AFG2A: variants seen among roughly 807,000 people sequenced by gnomAD.
The protein encoded by AFG2A is ATPase family gene 2 protein homolog A.
At chr4:123,173,340 G>GTTTTTTTTTTTTTTT in the AFG2A span, among the ~76,000 whole-genome samples, 37 of 70,302 alleles carry the variant, frequency 5.3e-4, 3 homozygotes, top group Admixed American at 1.0e-3. Flanking sequence ...AAGTCCAATG[G>GTTTTTTTTTTTTTTT]TTTTTTTTTT....
the AFG2A span, among the ~76,000 whole-genome samples, chr4:123,015,470 A>G: frequency 1.8e-4 from 28 of 152,188 alleles, no homozygotes; most frequent in Non-Finnish European, 3.7e-4. Flanking sequence ...GAGTGGACAC[A>G]GCACATGTTT....
chr4:123,016,599 G>A, the AFG2A span, among the ~76,000 whole-genome samples: 1 of 151,476 alleles, frequency 6.6e-6, no homozygotes, highest in African/African-American at 2.4e-5. Context: ...CTTCCTAGAT[G>A]GGATGGCGGC....
the AFG2A span, among the ~76,000 whole-genome samples, chr4:122,946,242 T>G: frequency 6.6e-6 from 1 of 152,294 alleles, no homozygotes; most frequent in African/African-American, 2.4e-5. Flanking sequence ...ATTACAAGGG[T>G]TCTTGGTAGG....
chr4:123,010,376 T>G, the AFG2A span, among the ~76,000 whole-genome samples: 2 of 142,954 alleles, frequency 1.4e-5, no homozygotes, highest in South Asian at 4.8e-4. Flanking sequence ...GTCCTTAATT[T>G]AAGTATTAGT....
the AFG2A span, among the ~76,000 whole-genome samples, chr4:123,255,156 C>T: frequency 1.3e-4 from 20 of 151,966 alleles, no homozygotes; most frequent in African/African-American, 2.2e-4. Flanking sequence ...GTAGAGATGT[C>T]GTTTTGTCAT....
chr4:122,946,277 T>C, the AFG2A span, among the ~76,000 whole-genome samples: 1 of 152,228 alleles, frequency 6.6e-6, no homozygotes, highest in Non-Finnish European at 1.5e-5. Context: ...AAAGGCTTAG[T>C]GTTGGAGAAT....
the AFG2A span, chr4:123,317,224 C>CA: frequency 0.72 from 75,300 of 104,606 alleles, 26,891 homozygotes; most frequent in Non-Finnish European, 0.79. Flanking sequence ...GACTCCGTCT[C>CA]AAAAAAAAAA....
At chr4:123,045,830 T>C in the AFG2A span, among the ~76,000 whole-genome samples, 1 of 152,114 alleles carries the variant, frequency 6.6e-6, no homozygotes, top group Non-Finnish European at 1.5e-5. Context: ...GCGAGGTGGT[T>C]CATGCCTGTA....
chr4:123,132,284 G>A, the AFG2A span, among the ~76,000 whole-genome samples: 3 of 151,878 alleles, frequency 2.0e-5, no homozygotes, highest in African/African-American at 4.8e-5. Flanking sequence ...GACTAATATC[G>A]CACTTTTCCC....
At chr4:123,260,576 G>A in the AFG2A span, among the ~76,000 whole-genome samples, 1 of 152,282 alleles carries the variant, frequency 6.6e-6, no homozygotes, top group South Asian at 2.1e-4. Context: ...AAAACAGAAG[G>A]AGCAATTATA....
At chr4:122,928,985 G>T in the AFG2A span, 1 of 1,569,886 alleles carries the variant, frequency 6.4e-7, no homozygotes, top group Non-Finnish European at 8.6e-7. Flanking sequence ...CTTATAAATT[G>T]ATGGTATTCT....
chr4:123,188,620 C>T, the AFG2A span, among the ~76,000 whole-genome samples: 1 of 152,120 alleles, frequency 6.6e-6, no homozygotes, highest in Non-Finnish European at 1.5e-5. Flanking sequence ...AATATTTCCC[C>T]CGTAGCTTTT....
the AFG2A span, among the ~76,000 whole-genome samples, chr4:122,975,271 A>G: frequency 6.6e-6 from 1 of 152,120 alleles, no homozygotes; most frequent in Non-Finnish European, 1.5e-5. Flanking sequence ...CTCACATAGC[A>G]GAAGGGTAAG....
the AFG2A span, among the ~76,000 whole-genome samples, chr4:123,015,822 A>T: frequency 6.8e-5 from 3 of 44,000 alleles, no homozygotes; most frequent in Non-Finnish European, 1.6e-4. Context: ...TGACCCCCCC[A>T]CCTCCCTCCC....
At chr4:123,040,610 G>A in the AFG2A span, among the ~76,000 whole-genome samples, 5 of 152,080 alleles carry the variant, frequency 3.3e-5, no homozygotes, top group Non-Finnish European at 2.9e-5. Context: ...ACATTGTGTC[G>A]CTGTTACATA....
At chr4:123,306,293 A>C in the AFG2A span, among the ~76,000 whole-genome samples, 2 of 152,104 alleles carry the variant, frequency 1.3e-5, no homozygotes, top group East Asian at 1.9e-4. Context: ...TTGTTGTTTT[A>C]TGTTTTTGTC....
chr4:123,160,338 C>G, the AFG2A span, among the ~76,000 whole-genome samples: 3 of 152,180 alleles, frequency 2.0e-5, no homozygotes, highest in Non-Finnish European at 4.4e-5. Flanking sequence ...AGACACACCT[C>G]TTCCTGAAAA....
the AFG2A span, among the ~76,000 whole-genome samples, chr4:123,170,468 A>G: frequency 6.6e-6 from 1 of 152,152 alleles, no homozygotes. Flanking sequence ...AAACATGGAG[A>G]CTATGAAAAG....
At chr4:122,958,231 AT>A in the AFG2A span, among the ~76,000 whole-genome samples, 1 of 152,140 alleles carries the variant, frequency 6.6e-6, no homozygotes, top group East Asian at 1.9e-4. Context: ...GTTTTAGTCC[AT>A]TTTTGCCTTC....
Sources: gnomAD v4.1 joint callset for allele counts (sites outside exome capture counted in the v4.1 genomes callset) on GRCh38, gnomAD v4.1.1 for gene constraint, MANE v1.5 for transcripts, NCBI Gene and HGNC (gene_info 2026-07-23, HGNC 2026-07-21) for gene names.